Variants in ZBBX observed in about 807,000 individuals in gnomAD.
ZBBX encodes zinc finger B-box domain containing.
ZBBX carries 101 observed loss-of-function variants against 108.5 expected under a neutral mutation model. That is an observed-to-expected ratio of 0.93 (90% CI 0.79 to 1.10). The LOEUF is 1.10. Ranked by LOEUF, ZBBX falls within the 50% of genes least tolerant of loss-of-function variation. The pLI is 0.00. For synonymous variants in ZBBX, 356 were observed against 323.4 expected, an observed-to-expected ratio of 1.10 and a Z score of -1.08; for missense variants, 1,009 against 941.4, an observed-to-expected ratio of 1.07 and a Z score of -0.94.
At chr3:167,274,302 G>A (rs1323053232) in intron 20 of ZBBX, among the ~76,000 whole-genome samples, 4 of 152,158 alleles carry the variant, frequency 2.6e-5, no homozygotes, top group Admixed American at 1.3e-4. Flanking sequence ...GTCATGATAG[G>A]TGTGCTTATT....
At chr3:167,277,797 T>C (rs1727908037) in intron 20 of ZBBX, among the ~76,000 whole-genome samples, 1 of 152,158 alleles carries the variant, frequency 6.6e-6, no homozygotes, top group East Asian at 1.9e-4. Flanking sequence ...AGAATATACA[T>C]TTTTTTCAGC....
chr3:167,326,148 G>A (rs1457176630), intron 11 of ZBBX, among the ~76,000 whole-genome samples: 3 of 152,074 alleles, frequency 2.0e-5, no homozygotes, highest in African/African-American at 7.2e-5. Flanking sequence ...AATATCCATC[G>A]ATAAATGTCT....
chr3:167,248,190 G>C (rs1377451793), intron 20 of ZBBX, among the ~76,000 whole-genome samples: 1 of 152,116 alleles, frequency 6.6e-6, no homozygotes, highest in African/African-American at 2.4e-5. Flanking sequence ...AGGCATGCCA[G>C]CAGCAGGCAA....
chr3:167,340,936 T>C (rs1328141836), intron 9 of ZBBX, among the ~76,000 whole-genome samples: 1 of 151,970 alleles, frequency 6.6e-6, no homozygotes, highest in East Asian at 1.9e-4. Context: ...CTGCTCATCA[T>C]ATTTCTAAAA....
the ZBBX span, among the ~76,000 whole-genome samples, chr3:167,182,378 C>T: frequency 1.1e-4 from 17 of 152,290 alleles, no homozygotes; most frequent in Non-Finnish European, 2.2e-4. Flanking sequence ...CACTATATCC[C>T]GAGCAGCCAA....
chr3:167,252,097 C>G (rs1254612573), intron 20 of ZBBX: 1 of 1,254,414 alleles, frequency 8.0e-7, no homozygotes, highest in African/African-American at 1.5e-5. Context: ...TCAGCCACAG[C>G]AATTTGAATC....
the ZBBX span, among the ~76,000 whole-genome samples, chr3:167,191,930 T>TAGAGAGAGAGAGAGAGAGAGAGAGAGAG: frequency 7.9e-6 from 1 of 127,266 alleles, no homozygotes; most frequent in African/African-American, 3.3e-5. Context: ...TATATATATA[T>TAGAGAGAGAGAGAGAGAGAGAGAGAGAG]ATATAGAGCA....
chr3:167,203,949 C>G, the ZBBX span, among the ~76,000 whole-genome samples: 1 of 152,108 alleles, frequency 6.6e-6, no homozygotes, highest in African/African-American at 2.4e-5. Context: ...CTTTTAATCT[C>G]TAGCATAATG....
At chr3:167,272,900 T>C (rs1481888288) in intron 20 of ZBBX, among the ~76,000 whole-genome samples, 1 of 152,118 alleles carries the variant, frequency 6.6e-6, no homozygotes, top group East Asian at 1.9e-4. Context: ...AAACCATATA[T>C]TCGTTTTACT....
chr3:167,286,079 C>T (rs535737302), intron 19 of ZBBX, among the ~76,000 whole-genome samples: 1 of 152,014 alleles, frequency 6.6e-6, no homozygotes, highest in East Asian at 1.9e-4. Context: ...CAGAAGGTCT[C>T]TCTATGGAGG....
At chr3:167,301,700 G>A (rs1214400900) in intron 17 of ZBBX, among the ~76,000 whole-genome samples, 2 of 152,076 alleles carry the variant, frequency 1.3e-5, no homozygotes, top group Admixed American at 6.5e-5. Flanking sequence ...GCTCATGCCT[G>A]TGATCCCAGC....
chr3:167,281,588 C>T (rs905737066), intron 20 of ZBBX, among the ~76,000 whole-genome samples: 9 of 152,156 alleles, frequency 5.9e-5, no homozygotes, highest in African/African-American at 1.9e-4. Context: ...AGGATTAATT[C>T]CCCTGATGTT....
chr3:167,306,916 C>T (rs181462653), intron 16 of ZBBX, among the ~76,000 whole-genome samples: 225 of 152,168 alleles, frequency 1.5e-3, no homozygotes, highest in Admixed American at 2.7e-3. Context: ...GATGTAAATG[C>T]TTTACAGCTT....
the ZBBX span, among the ~76,000 whole-genome samples, chr3:167,191,934 T>TAGAGAGAGAGAGAGAGAGAGAGAG: frequency 2.7e-4 from 35 of 130,222 alleles, no homozygotes; most frequent in African/African-American, 1.1e-3. Flanking sequence ...TATATATATA[T>TAGAGAGAGAGAGAGAGAGAGAGAG]AGAGCAAGTT....
intron 9 of ZBBX, among the ~76,000 whole-genome samples, chr3:167,338,455 A>C (rs550661804): frequency 7.9e-5 from 12 of 152,164 alleles, no homozygotes; most frequent in African/African-American, 2.9e-4. Context: ...TACCATCATC[A>C]TCCAAAACTC....
chr3:167,301,430 G>C (rs1337593388), intron 17 of ZBBX, among the ~76,000 whole-genome samples: 1 of 152,214 alleles, frequency 6.6e-6, no homozygotes, highest in Non-Finnish European at 1.5e-5. Flanking sequence ...CTACTGAATT[G>C]AAGAGAACGG....
chr3:167,373,652 T>C (rs1037102877), intron 3 of ZBBX, 54 bp downstream of exon 3: 3 of 152,194 alleles, frequency 2.0e-5, no homozygotes, highest in Non-Finnish European at 1.5e-5. Context: ...AAAAGTAAGC[T>C]AGATAACAGA....
intron 4 of ZBBX, chr3:167,368,820 T>G (rs994052316): frequency 1.2e-6 from 1 of 805,446 alleles, no homozygotes; most frequent in African/African-American, 1.8e-5. Flanking sequence ...GGTTCAAAAT[T>G]ATAATTAACT....
chr3:167,348,609 C>T (rs946190159), intron 9 of ZBBX, among the ~76,000 whole-genome samples: 9 of 151,932 alleles, frequency 5.9e-5, no homozygotes, highest in Admixed American at 5.9e-4. Flanking sequence ...CTTAATTGTA[C>T]ACATTTTTTA....
Sources: gnomAD v4.1 joint callset for allele counts (sites outside exome capture counted in the v4.1 genomes callset) on GRCh38, gnomAD v4.1.1 for gene constraint, MANE v1.5 for transcripts, NCBI Gene and HGNC (gene_info 2026-07-23, HGNC 2026-07-21) for gene names.